The following PTPRQ variants were observed in gnomAD, a reference collection of about 807,000 sequenced individuals.
PTPRQ encodes the protein phosphatidylinositol phosphatase PTPRQ.
A neutral mutation model predicts 246.0 loss-of-function variants in PTPRQ; 199 were observed. The ratio of observed to expected loss-of-function variants is 0.81; its 90% CI spans 0.72 to 0.91. The LOEUF is 0.91. Ranked by LOEUF, PTPRQ falls within the 40% of genes least tolerant of loss-of-function variation. PTPRQ has a pLI of 0.00. For synonymous variants in PTPRQ, 869 were observed against 853.2 expected, an observed-to-expected ratio of 1.02 and a Z score of -0.32; for missense variants, 2,624 against 2,528.4, an observed-to-expected ratio of 1.04 and a Z score of -0.81.
chr12:80,587,802 G>T (rs1897667333), intron 25 of PTPRQ, among the ~76,000 whole-genome samples: 1 of 152,138 alleles, frequency 6.6e-6, no homozygotes, highest in Admixed American at 6.5e-5. Flanking sequence ...TACTTAGGAT[G>T]ATATGAGCAT....
intron 9 of PTPRQ, among the ~76,000 whole-genome samples, chr12:80,486,964 A>G (rs933977270): frequency 2.0e-5 from 3 of 152,178 alleles, no homozygotes; most frequent in African/African-American, 7.2e-5. Context: ...GCCTTGCACA[A>G]TTAAAAATGA....
intron 23 of PTPRQ, among the ~76,000 whole-genome samples, chr12:80,545,972 G>A (rs1016842638): frequency 4.0e-4 from 61 of 151,836 alleles, no homozygotes; most frequent in African/African-American, 1.5e-3. Flanking sequence ...AAAAAAATGA[G>A]TATATAATTC....
chr12:80,480,237 C>A lies in PTPRQ; in HGVS notation c.1187-4196C>A, dbSNP rs548288527. Among the ~76,000 whole-genome samples, 11 of 152,298 alleles carry A rather than the reference C, an allele frequency of 7.2e-5. No homozygotes were observed. In the South Asian group the frequency reaches 2.1e-3, roughly 29 times the overall value. On this transcript the variant is annotated intron_variant, in intron 8 of 44. Coordinates refer to ENST00000644991, the MANE Select transcript of PTPRQ (RefSeq NM_001145026.2). ...AAGAATCTCACTCAAAACTGCTCAA[C>A]TTCATGGAAACTGAACAACCTGCTC... is the stretch of plus-strand genomic sequence containing the variant.
intron 17 of PTPRQ, 145 bp from the exon 18 acceptor site, chr12:80,533,870 A>G (rs573444960): frequency 3.4e-6 from 2 of 586,314 alleles, no homozygotes; most frequent in Non-Finnish European, 5.2e-6. Flanking sequence ...TATTTTCAGT[A>G]TTTCAGGATA....
chr12:80,498,986 G>C lies in PTPRQ; in HGVS notation c.2272+2455G>C, dbSNP rs369404773. ...AACTTTAAGTGAATATAAATTTTGA[G>C]ATTTAGTTTAAAATGAGAATTTTAA... On this transcript the variant is annotated intron_variant, in intron 14 of 44. Coordinates refer to ENST00000644991, the MANE Select transcript of PTPRQ (RefSeq NM_001145026.2). Among the ~76,000 whole-genome samples, 21 of 152,084 alleles carry C rather than the reference G, an allele frequency of 1.4e-4. No homozygotes were observed. The East Asian group carries it at 3.5e-3, about 25-fold the overall frequency.
Position 80,506,618 on chromosome 12 carries a change from C to G in PTPRQ, c.2505C>G (p.Leu835=), listed in dbSNP as rs12824064. The part of the protein sequence containing the change: ...QYIIEVSAST[L]KGEGVRSAPI... ...TCATTGAGGTGTCTGCTAGTACACT[C>G]AAAGGTGAAGGAGTTCGGAGTGCTC... The change falls in exon 16 of 45, where the codon CTC becomes CTG. Residue 835 remains leucine, a synonymous_variant. Transcript: ENST00000644991. The G allele has an allele frequency of 0.64, 981,482 of 1,540,096 alleles. 321,846 individuals are homozygous for G. Among genetic ancestry groups the G allele is most frequent in the South Asian group, 0.68 (56,195 of 82,842 alleles).
At chr12:80,478,263 G>A (rs1201658515) in intron 8 of PTPRQ, among the ~76,000 whole-genome samples, 3 of 151,694 alleles carry the variant, frequency 2.0e-5, no homozygotes, top group East Asian at 1.9e-4. Flanking sequence ...TCCCCCAGCA[G>A]GGGCACACTG....
chr12:80,657,884 G>A, intron 38 of PTPRQ, 101 bp from the exon 39 acceptor site: 1 of 814,316 alleles, frequency 1.2e-6, no homozygotes, highest in Middle Eastern at 4.2e-4. Context: ...CTGTGAAATT[G>A]GAATGTTATA....
intron 3 of PTPRQ, among the ~76,000 whole-genome samples, chr12:80,447,234 C>T (rs1258399615): frequency 6.6e-6 from 1 of 151,788 alleles, no homozygotes; most frequent in Non-Finnish European, 1.5e-5. Context: ...TGTTTTTTGT[C>T]CACTTTTTAA....
intron 26 of PTPRQ, among the ~76,000 whole-genome samples, chr12:80,589,523 T>G (rs1897722684): frequency 6.6e-6 from 1 of 152,222 alleles, no homozygotes; most frequent in Admixed American, 6.5e-5. Context: ...CACATAGATT[T>G]TCAGTGACAA....
chr12:80,489,429 C>T (rs1314896747), intron 9 of PTPRQ, among the ~76,000 whole-genome samples: 1 of 152,010 alleles, frequency 6.6e-6, no homozygotes, highest in Non-Finnish European at 1.5e-5. Context: ...CTGTAACACA[C>T]AGTAGCTTAA....
intron 30 of PTPRQ, among the ~76,000 whole-genome samples, chr12:80,617,689 G>GAAGAT (rs1898815231): frequency 6.6e-6 from 1 of 151,358 alleles, no homozygotes; most frequent in Non-Finnish European, 1.5e-5. Context: ...CTAGTCTAGA[G>GAAGAT]AAGATATATG....
chr12:80,628,019 T>TA (rs978794208), intron 33 of PTPRQ, among the ~76,000 whole-genome samples: 7 of 152,088 alleles, frequency 4.6e-5, no homozygotes, highest in African/African-American at 1.4e-4. Flanking sequence ...TAATCTAATC[T>TA]AAAAAAAATT....
chr12:80,535,889 C>T (rs1895971776), intron 19 of PTPRQ, among the ~76,000 whole-genome samples: 1 of 152,150 alleles, frequency 6.6e-6, no homozygotes, highest in Non-Finnish European at 1.5e-5. Context: ...GGGCGGATCA[C>T]AAGGTCAGGA....
At chr12:80,592,681 A>G (rs905034858) in intron 26 of PTPRQ, among the ~76,000 whole-genome samples, 2 of 152,156 alleles carry the variant, frequency 1.3e-5, no homozygotes, top group African/African-American at 4.8e-5. Flanking sequence ...TGGATGAAGA[A>G]TATTAATAAG....
At chr12:80,479,363 G>T (rs1322611544) in intron 8 of PTPRQ, among the ~76,000 whole-genome samples, 1 of 151,654 alleles carries the variant, frequency 6.6e-6, no homozygotes, top group Non-Finnish European at 1.5e-5. Flanking sequence ...CTCTAAAAGA[G>T]CTCCTGAAGG....
At chr12:80,536,159 C>A (rs1895983186) in intron 19 of PTPRQ, among the ~76,000 whole-genome samples, 1 of 152,180 alleles carries the variant, frequency 6.6e-6, no homozygotes, top group Non-Finnish European at 1.5e-5. Flanking sequence ...GTACAGAATA[C>A]ATCCCTTAGT....
chr12:80,566,405 G>A (rs957608701), intron 25 of PTPRQ, among the ~76,000 whole-genome samples: 1 of 152,056 alleles, frequency 6.6e-6, no homozygotes, highest in Non-Finnish European at 1.5e-5. Context: ...TTGAACCCAG[G>A]AGGCGGAGGT....
chr12:80,446,433 C>CT (rs1022737554), intron 3 of PTPRQ, among the ~76,000 whole-genome samples: 5 of 151,538 alleles, frequency 3.3e-5, no homozygotes, highest in South Asian at 2.1e-4. Flanking sequence ...AATGAAATGT[C>CT]TTTTTTTTAA....
Sources: allele counts gnomAD v4.1 joint callset (sites outside exome capture counted in the v4.1 genomes callset), GRCh38; gene constraint gnomAD v4.1.1; transcripts MANE v1.5; gene names NCBI Gene and HGNC (gene_info 2026-07-23, HGNC 2026-07-21).